DNAH5: variants seen among roughly 807,000 people sequenced by gnomAD.
The protein encoded by DNAH5 is axonemal beta dynein heavy chain 5.
DNAH5 carries 372 observed loss-of-function variants against 518.2 expected under a neutral mutation model. The ratio of observed to expected loss-of-function variants is 0.72; its 90% CI spans 0.66 to 0.78. DNAH5 has a LOEUF of 0.78. Ranked by LOEUF, DNAH5 falls within the 30% of genes least tolerant of loss-of-function variation. The pLI is 0.00. For synonymous variants in DNAH5, 2,039 were observed against 2,025.9 expected (o/e 1.01, Z -0.17); for missense variants, 5,523 against 5,687.0 (o/e 0.97, Z 0.93).
At chr5:13,913,637 A>G (rs1776287414) in intron 11 of DNAH5, 106 bp downstream of exon 11, 6 of 1,328,582 alleles carry the variant, frequency 4.5e-6, no homozygotes, top group Non-Finnish European at 6.2e-6. Flanking sequence ...TTTATATTTT[A>G]CTTTACAGAC....
intron 75 of DNAH5, among the ~76,000 whole-genome samples, chr5:13,713,215 A>C (rs1436151048): frequency 6.8e-6 from 1 of 147,576 alleles, no homozygotes; most frequent in African/African-American, 2.5e-5. Context: ...CGACATATAT[A>C]TATACCGACA....
At chr5:13,986,736 T>A (rs946821554) in intron 1 of DNAH5, among the ~76,000 whole-genome samples, 16 of 152,114 alleles carry the variant, frequency 1.1e-4, no homozygotes, top group African/African-American at 3.9e-4. Context: ...ACTGCTTTAG[T>A]AGGTATACAT....
rs138996578 is a variant in DNAH5 at position 13,798,179 on chromosome 5, T to C, written c.7888-4121A>G. On this transcript the variant is annotated intron_variant, in intron 47 of 78. Transcript: ENST00000265104. ...GTATCAAACCTGCACACTGTGCACA[T>C]GTATCCTAGAACAACTTAAAGTATA... is the stretch of plus-strand genomic sequence containing the variant. 4.6e-5 allele frequency among the ~76,000 whole-genome samples: 7 copies of C among 152,240 alleles called. No individual in the cohort carries two copies. In the East Asian group the frequency reaches 1.2e-3, roughly 25 times the overall value.
intron 47 of DNAH5, among the ~76,000 whole-genome samples, chr5:13,801,187 T>C (rs1398552338): frequency 6.6e-6 from 1 of 152,008 alleles, no homozygotes; most frequent in Non-Finnish European, 1.5e-5. Context: ...ATGGAGGTGG[T>C]TTCTAACGGT....
At chr5:13,842,439 G>GAAAA (rs1491235555) in intron 32 of DNAH5, among the ~76,000 whole-genome samples, 1 of 83,242 alleles carries the variant, frequency 1.2e-5, no homozygotes, top group African/African-American at 5.1e-5. Context: ...AAGAAAGAAA[G>GAAAA]AAAGAAAGAA....
rs550329660 is a variant in DNAH5, at chr5:13,814,639, C to T, written c.7196G>A (p.Ser2399Asn). 3.7e-6 allele frequency: 6 copies of T among 1,613,896 alleles called. No individual in the cohort carries two copies. Among genetic ancestry groups the T allele is most frequent in the South Asian group, 3.3e-5 (3 of 91,076 alleles). Residue 2399 changes from serine to asparagine, a missense_variant, in exon 43 of 79, where the codon AGC (serine) becomes AAC (asparagine). By Grantham distance (46) the Ser-to-Asn change is conservative (BLOSUM62 1). Around this residue, in one of 3 missense-constraint regions of DNAH5, gnomAD observed 5,121 missense variants for 5,223.3 expected, o/e 0.98. Transcript: ENST00000265104. ...AGGACTCCAATCAAGGATAGAAGAGCTCATGAAAACCATTCCATTTCTTGA... is the reference window on the plus strand; with the variant it reads ...AGGACTCCAATCAAGGATAGAAGAGTTCATGAAAACCATTCCATTTCTTGA... ...TVSRNGMVFM[S>N]SSILDWSPIL...
chr5:13,810,940 G>T (rs1760609021), intron 44 of DNAH5, among the ~76,000 whole-genome samples: 1 of 152,104 alleles, frequency 6.6e-6, no homozygotes, highest in Non-Finnish European at 1.5e-5. Context: ...AACATGAATG[G>T]AACTGGAGGT....
intron 27 of DNAH5, 141 bp downstream of exon 27, chr5:13,865,527 A>G (rs1052187656): frequency 8.0e-5 from 58 of 724,858 alleles, no homozygotes; most frequent in Admixed American, 2.3e-4. Context: ...AGCATTTGAC[A>G]AGAGTGATGT....
Position 13,810,101 on chromosome 5 carries a change from C to G in DNAH5, c.7567G>C (p.Gly2523Arg), listed in dbSNP as rs199506158. 9 of 1,551,950 alleles carry G rather than the reference C, an allele frequency of 5.8e-6. No homozygotes were observed. Among genetic ancestry groups the G allele is most frequent in the Non-Finnish European group, 1.7e-6 (2 of 1,148,082 alleles). The change falls in exon 45 of 79, where the codon GGG (glycine) becomes CGG (arginine). Residue 2523 changes from glycine to arginine, a missense_variant. Transcript: ENST00000265104. The stretch of plus-strand genomic sequence containing the variant: ...TAGTCGAAGGCGGTGTCCCCGGGCC[C>G]CGCTGGCGGCGGCAGCTCCAGCGTC... ...TGTLELPPPAGPGDTAFDYYV... is the reference protein window; with the variant it reads ...TGTLELPPPARPGDTAFDYYV...
chr5:13,775,011 C>G (rs1005056048), intron 55 of DNAH5, among the ~76,000 whole-genome samples: 1 of 151,972 alleles, frequency 6.6e-6, no homozygotes, highest in African/African-American at 2.4e-5. Context: ...TACTCTTGAT[C>G]TGTGCTCTGC....
intron 38 of DNAH5, among the ~76,000 whole-genome samples, chr5:13,826,809 C>G (rs561119142): frequency 1.3e-5 from 2 of 152,288 alleles, no homozygotes; most frequent in East Asian, 3.9e-4. Context: ...AACTGGGTAA[C>G]AGGCAGAGGT....
At chr5:13,844,316 G>A (rs1236834846) in intron 32 of DNAH5, among the ~76,000 whole-genome samples, 1 of 152,196 alleles carries the variant, frequency 6.6e-6, no homozygotes, top group Non-Finnish European at 1.5e-5. Context: ...GGGAATTTGG[G>A]TGGAGGGATG....
chr5:13,830,136 G>A lies in DNAH5; in HGVS notation c.6139C>T (p.Gln2047Ter), dbSNP rs2151836520. 1 of 1,613,934 alleles carries A rather than the reference G, an allele frequency of 6.2e-7. No individual in the cohort carries two copies. The highest frequency in any genetic ancestry group is 2.2e-5 in the East Asian group (1 of 44,858). ...IDLPVLSVAA[Q>*]QISIILTCKK... ...CATGTCAGAATAATGGAAATTTGCT[G>A]GGCTGCAACCGAGAGAACTGGTAGA... Residue 2047 changes from glutamine (Q) to a stop codon, truncating the protein, a stop_gained, in exon 37 of 79, where the codon CAG becomes TAG. Coordinates refer to ENST00000265104, the MANE Select transcript of DNAH5 (RefSeq NM_001369.3). LOFTEE classifies it high-confidence loss of function.
chr5:14,006,514 G>A (rs796993513), intron 1 of DNAH5, among the ~76,000 whole-genome samples: 13 of 152,056 alleles, frequency 8.5e-5, no homozygotes, highest in South Asian at 6.2e-4. Context: ...GTCACCCCTC[G>A]GTCTCTGTGT....
intron 3 of DNAH5, among the ~76,000 whole-genome samples, chr5:13,923,906 C>T (rs539621976): frequency 1.8e-4 from 27 of 152,162 alleles, no homozygotes; most frequent in African/African-American, 6.3e-4. Flanking sequence ...ATTAGCTGGG[C>T]GTGGTCGTGG....
At chr5:13,878,979 A>G (rs1193049035) in intron 21 of DNAH5, among the ~76,000 whole-genome samples, 1 of 152,216 alleles carries the variant, frequency 6.6e-6, no homozygotes, top group Non-Finnish European at 1.5e-5. Flanking sequence ...GGGTACTGAC[A>G]GGACATATCA....
chr5:13,859,652 T>C (rs1422756822), intron 29 of DNAH5, 47 bp from the exon 30 acceptor site: 11 of 1,576,910 alleles, frequency 7.0e-6, no homozygotes, highest in Non-Finnish European at 9.6e-6. Context: ...TTTGTTGTGC[T>C]GTTGTTTCAA....
chr5:13,742,190 G>T (rs999587926), intron 65 of DNAH5, among the ~76,000 whole-genome samples: 1 of 152,166 alleles, frequency 6.6e-6, no homozygotes, highest in African/African-American at 2.4e-5. Flanking sequence ...GGAGAACTTA[G>T]AATGATAAGG....
At chr5:13,990,971 C>A (rs565435044) in intron 1 of DNAH5, among the ~76,000 whole-genome samples, 1 of 152,084 alleles carries the variant, frequency 6.6e-6, no homozygotes, top group Non-Finnish European at 1.5e-5. Context: ...GCAAATAACA[C>A]CTTTTAAATA....
Sources: allele counts gnomAD v4.1 joint callset (sites outside exome capture counted in the v4.1 genomes callset), GRCh38; gene constraint gnomAD v4.1.1; regional missense constraint gnomAD v4.1.1; transcripts MANE v1.5; gene names NCBI Gene and HGNC (gene_info 2026-07-23, HGNC 2026-07-21).